Variants in CPNE8 observed in about 807,000 individuals in gnomAD.
CPNE8 encodes the protein copine-8.
A neutral mutation model predicts 81.5 loss-of-function variants in CPNE8; 45 were observed. That is an observed-to-expected ratio of 0.55 (90% confidence interval 0.44 to 0.71). The LOEUF is 0.71. Ranked by LOEUF, CPNE8 falls within the 30% of genes least tolerant of loss-of-function variation. The pLI is 0.00. For missense variants in CPNE8, 594 were observed against 672.1 expected (o/e 0.88, Z 1.28); for synonymous variants, 252 against 226.3 (o/e 1.11, Z -1.02).
At chr12:38,791,030 C>A (rs567447109) in intron 6 of CPNE8, among the ~76,000 whole-genome samples, 1 of 151,840 alleles carries the variant, frequency 6.6e-6, no homozygotes, top group African/African-American at 2.4e-5. Flanking sequence ...AATTTACATT[C>A]TTCGTTAATG....
At chr12:38,779,474 T>C (rs1942000974) in intron 6 of CPNE8, among the ~76,000 whole-genome samples, 1 of 152,098 alleles carries the variant, frequency 6.6e-6, no homozygotes, top group Admixed American at 6.6e-5. Context: ...GCCTAAAAAA[T>C]AAATCGCTGC....
intron 3 of CPNE8, among the ~76,000 whole-genome samples, chr12:38,850,926 G>C (rs1469752354): frequency 6.6e-6 from 1 of 152,186 alleles, no homozygotes; most frequent in Non-Finnish European, 1.5e-5. Context: ...ACAGTATTAA[G>C]ATATAGAGCA....
At chr12:38,713,380 G>GTT in intron 13 of CPNE8, among the ~76,000 whole-genome samples, 1 of 152,190 alleles carries the variant, frequency 6.6e-6, no homozygotes, top group Non-Finnish European at 1.5e-5. Flanking sequence ...TAACTACAAC[G>GTT]AAGATATAGA....
At chr12:38,786,305 G>C (rs1477000075) in intron 6 of CPNE8, among the ~76,000 whole-genome samples, 1 of 152,174 alleles carries the variant, frequency 6.6e-6, no homozygotes, top group Admixed American at 6.5e-5. Context: ...TGAGGGTGCT[G>C]CCAAAAGAGA....
intron 1 of CPNE8, among the ~76,000 whole-genome samples, chr12:38,890,788 T>C (rs1445319784): frequency 1.3e-5 from 2 of 151,994 alleles, no homozygotes; most frequent in Non-Finnish European, 1.5e-5. Context: ...CTTATTTTTC[T>C]ACTTAGGTAT....
chr12:38,757,960 T>C (rs1592064741), intron 10 of CPNE8, among the ~76,000 whole-genome samples: 2 of 152,104 alleles, frequency 1.3e-5, no homozygotes, highest in African/African-American at 4.8e-5. Flanking sequence ...TAAAAATGCA[T>C]TAATATATCC....
chr12:38,708,969 T>C (rs1381151478), intron 13 of CPNE8, among the ~76,000 whole-genome samples: 5 of 152,322 alleles, frequency 3.3e-5, no homozygotes, highest in African/African-American at 1.2e-4. Context: ...AATTATACAG[T>C]GGATTTCTCC....
At chr12:38,775,110 T>C (rs1941901042) in intron 7 of CPNE8, among the ~76,000 whole-genome samples, 1 of 152,104 alleles carries the variant, frequency 6.6e-6, no homozygotes, top group Non-Finnish European at 1.5e-5. Flanking sequence ...ATCATCTATC[T>C]ATATTTGAGA....
At chr12:38,704,599 T>G (rs1223695665) in intron 13 of CPNE8, among the ~76,000 whole-genome samples, 1 of 151,832 alleles carries the variant, frequency 6.6e-6, no homozygotes, top group African/African-American at 2.4e-5. Flanking sequence ...ACACTTCCAT[T>G]AGCCTATAGT....
chr12:38,800,926 A>G (rs1293980557), intron 6 of CPNE8, among the ~76,000 whole-genome samples: 1 of 134,490 alleles, frequency 7.4e-6, no homozygotes, highest in Admixed American at 7.7e-5. Flanking sequence ...GATGAAATGA[A>G]TGAAATGAAG....
chr12:38,675,696 T>G, intron 18 of CPNE8, 21 bp downstream of exon 18: 1 of 1,452,650 alleles, frequency 6.9e-7, no homozygotes, highest in Non-Finnish European at 9.7e-7. Flanking sequence ...CAAGGAATAT[T>G]ATTGAAATTT....
At chr12:38,902,919 C>G (rs1944511536) in intron 1 of CPNE8, among the ~76,000 whole-genome samples, 1 of 152,096 alleles carries the variant, frequency 6.6e-6, no homozygotes, top group Non-Finnish European at 1.5e-5. Flanking sequence ...AATACCATAA[C>G]TATTCTTATT....
intron 6 of CPNE8, among the ~76,000 whole-genome samples, chr12:38,809,358 C>A (rs559537247): frequency 2.0e-5 from 3 of 152,314 alleles, no homozygotes; most frequent in East Asian, 3.9e-4. Context: ...GAGTGCCTCT[C>A]ACTCTACAAG....
intron 6 of CPNE8, among the ~76,000 whole-genome samples, chr12:38,826,828 T>TA (rs916229731): frequency 1.3e-5 from 2 of 151,718 alleles, no homozygotes; most frequent in African/African-American, 2.4e-5. Flanking sequence ...TTCCTTATGT[T>TA]AAAAAAACAG....
At chr12:38,709,236 C>G (rs529826291) in intron 13 of CPNE8, among the ~76,000 whole-genome samples, 1 of 152,368 alleles carries the variant, frequency 6.6e-6, no homozygotes, top group South Asian at 2.1e-4. Context: ...TTGACCTTCT[C>G]TCACCATGGG....
chr12:38,807,996 G>C (rs1472808116), intron 6 of CPNE8, among the ~76,000 whole-genome samples: 1 of 151,956 alleles, frequency 6.6e-6, no homozygotes, highest in Non-Finnish European at 1.5e-5. Flanking sequence ...AAAAACACAT[G>C]GAAAAATGCT....
intron 1 of CPNE8, among the ~76,000 whole-genome samples, chr12:38,886,790 A>T (rs1265288997): frequency 6.6e-6 from 1 of 152,186 alleles, no homozygotes; most frequent in Non-Finnish European, 1.5e-5. Context: ...GGTGGAAGGA[A>T]TATATAATAG....
At chr12:38,753,403 G>C (rs1306253922) in intron 10 of CPNE8, among the ~76,000 whole-genome samples, 1 of 152,132 alleles carries the variant, frequency 6.6e-6, no homozygotes, top group Non-Finnish European at 1.5e-5. Context: ...AGTGAGCTGA[G>C]ATCACACCAC....
intron 10 of CPNE8, among the ~76,000 whole-genome samples, chr12:38,739,395 C>G (rs1432336546): frequency 6.6e-6 from 1 of 152,018 alleles, no homozygotes; most frequent in Non-Finnish European, 1.5e-5. Flanking sequence ...GACATTAAAT[C>G]TAATAATTTA....
Sources: allele counts gnomAD v4.1 joint callset (sites outside exome capture counted in the v4.1 genomes callset), GRCh38; gene constraint gnomAD v4.1.1; transcripts MANE v1.5; gene names NCBI Gene and HGNC (gene_info 2026-07-23, HGNC 2026-07-21).